Variants in IQUB observed in about 807,000 individuals in gnomAD.
IQUB encodes IQ motif and ubiquitin domain containing, also known as IQ motif and ubiquitin-like domain-containing protein.
A neutral mutation model predicts 86.4 loss-of-function variants in IQUB; 86 were observed. The ratio of observed to expected loss-of-function variants is 1.00; its 90% CI spans 0.84 to 1.19. The LOEUF (loss-of-function observed/expected upper bound fraction) is 1.19, where lower values mean the gene tolerates loss of function less well. Ranked by LOEUF, IQUB falls within the 50% of genes most tolerant of loss-of-function variation. The probability of loss-of-function intolerance (pLI) is 0.00; values close to 1 mark genes in which losing one functional copy is unlikely to be tolerated. For missense variants in IQUB, 946 were observed against 916.9 expected (o/e 1.03, Z -0.41); for synonymous variants, 289 against 304.5 (o/e 0.95, Z 0.53).
chr7:123,469,219 C>A lies in IQUB; in HGVS notation c.1576G>T (p.Val526Leu). The change falls in exon 9 of 13, where the codon GTA becomes TTA. Residue 526 changes from valine to leucine, a missense_variant. Val to Leu is a conservative substitution (Grantham distance 32, BLOSUM62 1). Coordinates refer to ENST00000324698, the MANE Select transcript of IQUB (RefSeq NM_178827.5). ...LDVLLTLKHT[V>L]KEHECKLTQE... ...CTAAGAGAAAGTTAACATACCTTTA[C>A]AGTGTGTTTAAGAGTTAACAGCACA... The A allele has an allele frequency of 6.4e-7, 1 of 1,559,636 alleles. No homozygotes were observed. The highest frequency in any genetic ancestry group is 8.7e-7 in the Non-Finnish European group (1 of 1,155,606).
intron 7 of IQUB, among the ~76,000 whole-genome samples, chr7:123,483,461 A>G (rs557729944): frequency 6.6e-6 from 1 of 152,226 alleles, no homozygotes; most frequent in Admixed American, 6.6e-5. Context: ...CTGAATTCTA[A>G]GAAGCGTATT....
Position 123,503,326 on chromosome 7 carries a change from A to G in IQUB, c.570T>C (p.His190=). ...GTACAATTTCCTGTGGCTTAACTCC[A>G]TGTTGTACTAGAGTCTCATTATTTT... The part of the protein sequence containing the change: ...ILKNNETLVQ[H]GVKPQEIVQV... The change falls in exon 4 of 13, where the codon CAT becomes CAC. Residue 190 remains histidine, a synonymous_variant. Coordinates refer to ENST00000324698, the MANE Select transcript of IQUB (RefSeq NM_178827.5). 4 of 1,584,344 alleles carry G rather than the reference A, an allele frequency of 2.5e-6. No homozygotes were observed. Among genetic ancestry groups the G allele is most frequent in the African/African-American group, 1.4e-5 (1 of 73,892 alleles).
chr7:123,473,326 G>C (rs1794613858), intron 8 of IQUB, among the ~76,000 whole-genome samples: 2 of 152,148 alleles, frequency 1.3e-5, no homozygotes, highest in African/African-American at 4.8e-5. Context: ...GCATTTAAAA[G>C]ACACAGCTAA....
intron 1 of IQUB, among the ~76,000 whole-genome samples, chr7:123,518,449 A>C (rs575496534): frequency 6.6e-6 from 1 of 152,170 alleles, no homozygotes; most frequent in African/African-American, 2.4e-5. Flanking sequence ...ATAAAATCCA[A>C]ACTACTCACC....
chr7:123,478,261 A>G (rs565460141), intron 8 of IQUB, among the ~76,000 whole-genome samples: 36 of 142,988 alleles, frequency 2.5e-4, no homozygotes, highest in African/African-American at 1.1e-3. Context: ...AAAAAGGATG[A>G]GTTCACATCC....
intron 1 of IQUB, among the ~76,000 whole-genome samples, chr7:123,517,530 CAAAAAAAAAAAAAAAA>C (rs374712007): frequency 8.9e-5 from 2 of 22,452 alleles, no homozygotes; most frequent in Non-Finnish European, 1.5e-4. Context: ...GACTCCATCT[CAAAAAAAAAAAAAAAA>C]AAAAAAAAAA....
At chr7:123,503,568 T>C (rs1415291582) in intron 3 of IQUB, among the ~76,000 whole-genome samples, 5 of 152,068 alleles carry the variant, frequency 3.3e-5, no homozygotes, top group Non-Finnish European at 4.4e-5. Context: ...GTAAGAACAC[T>C]TAATATCTAT....
intron 6 of IQUB, among the ~76,000 whole-genome samples, chr7:123,498,896 C>A (rs547441307): frequency 3.9e-5 from 6 of 152,144 alleles, no homozygotes; most frequent in African/African-American, 1.4e-4. Context: ...AGCTTTATTA[C>A]AATAGGAGAA....
chr7:123,452,463 A>T lies in IQUB; in HGVS notation c.*280T>A, dbSNP rs1214711359. The T allele has an allele frequency of 9.3e-6, 2 of 216,044 alleles. No homozygotes were observed. Among genetic ancestry groups the T allele is most frequent in the Non-Finnish European group, 9.0e-6 (1 of 110,834 alleles). The allele number at this position is 216,044 out of a possible 1,614,324, so 13.4% of individuals were successfully genotyped here. A position where few individuals can be genotyped will look rare whatever the true frequency, so the allele number is the denominator to read the frequency against. ...TTTTAACTCTAATATACTTGAAAAA[A>T]TTTAAAAAATTTAATGTGAAAACAC... On this transcript the variant is annotated 3_prime_UTR_variant, in exon 13 of 13. Transcript: ENST00000324698.
chr7:123,494,864 A>G (rs1795641837), intron 7 of IQUB, among the ~76,000 whole-genome samples: 1 of 152,138 alleles, frequency 6.6e-6, no homozygotes, highest in Admixed American at 6.6e-5. Context: ...CACCACTAAT[A>G]AGTAGAACAG....
At chr7:123,459,115 G>A (rs890413260) in intron 11 of IQUB, among the ~76,000 whole-genome samples, 2 of 151,868 alleles carry the variant, frequency 1.3e-5, no homozygotes, top group Non-Finnish European at 2.9e-5. Flanking sequence ...ATATTTGTCT[G>A]CTAATCCTAG....
At chr7:123,522,688 T>C (rs906702506) in intron 1 of IQUB, among the ~76,000 whole-genome samples, 7 of 152,214 alleles carry the variant, frequency 4.6e-5, no homozygotes, top group African/African-American at 1.7e-4. Flanking sequence ...ACTCGTTTTA[T>C]AAAGTAGGAG....
chr7:123,526,468 C>T (rs1410147898), intron 1 of IQUB, among the ~76,000 whole-genome samples: 1 of 152,074 alleles, frequency 6.6e-6, no homozygotes, highest in African/African-American at 2.4e-5. Context: ...TTCTTTGTAT[C>T]TTTTGATCTT....
At chr7:123,510,217 G>A (rs542222196) in intron 2 of IQUB, among the ~76,000 whole-genome samples, 182 bp from the exon 3 acceptor site, 1 of 152,200 alleles carries the variant, frequency 6.6e-6, no homozygotes, top group East Asian at 1.9e-4. Flanking sequence ...TCTATAAGGA[G>A]AAGTAGCCAA....
intron 1 of IQUB, among the ~76,000 whole-genome samples, chr7:123,528,084 GC>G (rs1429046682): frequency 6.6e-6 from 1 of 152,194 alleles, no homozygotes; most frequent in Non-Finnish European, 1.5e-5. Flanking sequence ...TTTTCCAGGT[GC>G]CGTCTGTCAC....
Position 123,512,353 on chromosome 7 carries a change from A to G in IQUB, c.-4-9T>C, listed in dbSNP as rs1471170865. 1 of 1,505,786 alleles carries G rather than the reference A, an allele frequency of 6.6e-7. No homozygotes were observed. The highest frequency in any genetic ancestry group is 1.4e-5 in the African/African-American group (1 of 72,020). 93.3% of individuals were successfully genotyped at this position (1,505,786 alleles called of 1,614,324 possible). A position where few individuals can be genotyped will look rare whatever the true frequency, so the allele number is the denominator to read the frequency against. On this transcript the variant is annotated splice_polypyrimidine_tract_variant and intron_variant, in intron 1 of 12. Transcript: ENST00000324698. The stretch of plus-strand genomic sequence containing the variant: ...GTTGATTAGACATTTTCCTGAATTA[A>G]GAAAAATAAACACATTTACTACATA...
chr7:123,524,009 G>C (rs1358616600), intron 1 of IQUB, among the ~76,000 whole-genome samples: 1 of 150,944 alleles, frequency 6.6e-6, no homozygotes, highest in African/African-American at 2.4e-5. Context: ...AGATCAGATA[G>C]TTGTAGATAT....
chr7:123,453,587 C>A (rs1309439929), intron 12 of IQUB, among the ~76,000 whole-genome samples: 2 of 151,762 alleles, frequency 1.3e-5, no homozygotes, highest in Non-Finnish European at 2.9e-5. Context: ...TCACTAAGAG[C>A]CCACCAAGCA....
chr7:123,529,931 G>A (rs1356348271), intron 1 of IQUB, among the ~76,000 whole-genome samples: 1 of 152,110 alleles, frequency 6.6e-6, no homozygotes, highest in Non-Finnish European at 1.5e-5. Flanking sequence ...TACTCGGGAG[G>A]CTGAGGCAGG....
Sources: gnomAD v4.1 joint callset for allele counts (sites outside exome capture counted in the v4.1 genomes callset) on GRCh38, gnomAD v4.1.1 for gene constraint, MANE v1.5 for transcripts, NCBI Gene and HGNC (gene_info 2026-07-23, HGNC 2026-07-21) for gene names.